Variants in CADM2 observed in about 807,000 individuals in gnomAD.
The protein encoded by CADM2 is cell adhesion molecule 2.
A neutral mutation model predicts 49.8 loss-of-function variants in CADM2; 12 were observed. The observed-to-expected ratio is 0.24, with a 90% CI of 0.15 to 0.39. CADM2 has a LOEUF of 0.39. Among genes scored for constraint, CADM2 ranks in the 10% least tolerant of loss-of-function variants. The probability of loss-of-function intolerance (pLI) is 1.00; values close to 1 mark genes in which losing one functional copy is unlikely to be tolerated. For synonymous variants in CADM2, 214 were observed against 175.4 expected (o/e 1.22, Z -1.74); for missense variants, 378 against 492.3 (o/e 0.77, Z 2.20).
chr3:85,259,095 T>C (rs939089471), intron 1 of CADM2, among the ~76,000 whole-genome samples: 16 of 152,146 alleles, frequency 1.1e-4, no homozygotes, highest in Non-Finnish European at 1.9e-4. Context: ...AAGTAGGCTT[T>C]ACAAAGGGAA....
At chr3:85,390,726 C>T (rs914101115) in intron 1 of CADM2, among the ~76,000 whole-genome samples, 2 of 152,046 alleles carry the variant, frequency 1.3e-5, no homozygotes, top group African/African-American at 4.8e-5. Context: ...CATAAATAAT[C>T]TCTGCTCTAC....
chr3:85,873,556 C>G (rs1471007124), intron 3 of CADM2, among the ~76,000 whole-genome samples: 1 of 152,084 alleles, frequency 6.6e-6, no homozygotes, highest in Non-Finnish European at 1.5e-5. Flanking sequence ...ATCCCAGCTA[C>G]TGGGGAGGCT....
At chr3:85,485,091 T>C (rs1471020287) in intron 1 of CADM2, among the ~76,000 whole-genome samples, 1 of 151,894 alleles carries the variant, frequency 6.6e-6, no homozygotes, top group African/African-American at 2.4e-5. Context: ...AAAATAATAA[T>C]TCATGTTTTT....
At chr3:85,629,682 A>C (rs1428584864) in intron 1 of CADM2, among the ~76,000 whole-genome samples, 1 of 151,962 alleles carries the variant, frequency 6.6e-6, no homozygotes, top group Non-Finnish European at 1.5e-5. Flanking sequence ...CACAAGGAGA[A>C]TAAAGCAACT....
chr3:85,801,788 A>C (rs1346806253), intron 2 of CADM2, among the ~76,000 whole-genome samples: 1 of 152,202 alleles, frequency 6.6e-6, no homozygotes, highest in African/African-American at 2.4e-5. Flanking sequence ...CTATTTGAAT[A>C]TAAATCTTTA....
chr3:85,968,920 C>T (rs1297257794), intron 8 of CADM2, among the ~76,000 whole-genome samples: 1 of 151,646 alleles, frequency 6.6e-6, no homozygotes, highest in Non-Finnish European at 1.5e-5. Context: ...ATAGTTTTCA[C>T]ACATATTGTT....
At position 85,613,127 on chromosome 3, in the gene CADM2, T is replaced by G. The variant is rs2063718750; in HGVS notation, c.62-113395T>G. Among the ~76,000 whole-genome samples, 4 of 151,752 alleles carry G rather than the reference T, an allele frequency of 2.6e-5. No individual in the cohort carries two copies. The South Asian group carries it at 8.3e-4, about 31-fold the overall frequency. On this transcript the variant is annotated intron_variant, in intron 1 of 9. Coordinates refer to ENST00000383699, the MANE Select transcript of CADM2 (RefSeq NM_001167675.2). ...TACATGGATTCATGATGTGAAAAGC[T>G]CTTTTCTAATGTATGCAGACACATT...
intron 1 of CADM2, among the ~76,000 whole-genome samples, chr3:85,514,692 C>A (rs532568546): frequency 6.6e-6 from 1 of 152,130 alleles, no homozygotes; most frequent in Non-Finnish European, 1.5e-5. Flanking sequence ...CACAGTCTCT[C>A]ATGAGTTGCT....
At chr3:85,024,610 G>C (rs960929884) in intron 1 of CADM2, among the ~76,000 whole-genome samples, 2 of 150,978 alleles carry the variant, frequency 1.3e-5, no homozygotes, top group Non-Finnish European at 3.0e-5. Context: ...TTATTTATGA[G>C]ATGTTACTAT....
At chr3:85,680,263 T>A (rs1051177979) in intron 1 of CADM2, among the ~76,000 whole-genome samples, 19 of 152,108 alleles carry the variant, frequency 1.2e-4, no homozygotes, top group African/African-American at 2.4e-5. Context: ...ATATATATAT[T>A]TGTATCATTT....
intron 6 of CADM2, among the ~76,000 whole-genome samples, chr3:85,930,908 A>C (rs1720505867): frequency 6.7e-6 from 1 of 149,378 alleles, no homozygotes; most frequent in South Asian, 2.1e-4. Context: ...TAATTAATAT[A>C]TTAATAATTA....
intron 1 of CADM2, among the ~76,000 whole-genome samples, chr3:85,621,217 T>G (rs1339087928): frequency 1.3e-5 from 2 of 152,152 alleles, no homozygotes; most frequent in Non-Finnish European, 2.9e-5. Flanking sequence ...AAACTATGTC[T>G]TAACATTAGG....
intron 5 of CADM2, among the ~76,000 whole-genome samples, chr3:85,897,612 T>A (rs1043210007): frequency 6.6e-6 from 1 of 152,092 alleles, no homozygotes; most frequent in African/African-American, 2.4e-5. Context: ...TAACTCGATT[T>A]TTTTATTTCT....
At chr3:85,050,716 C>T (rs1406636826) in intron 1 of CADM2, among the ~76,000 whole-genome samples, 5 of 152,040 alleles carry the variant, frequency 3.3e-5, no homozygotes, top group African/African-American at 7.2e-5. Context: ...TTGCCACAAG[C>T]GATATCTGCA....
intron 7 of CADM2, among the ~76,000 whole-genome samples, chr3:85,955,525 A>T (rs1247999819): frequency 2.0e-5 from 3 of 151,536 alleles, no homozygotes; most frequent in Non-Finnish European, 3.0e-5. Context: ...GAAAGTTTCC[A>T]TTCTCAGTAC....
intron 1 of CADM2, among the ~76,000 whole-genome samples, chr3:85,255,607 A>G: frequency 6.6e-6 from 1 of 151,696 alleles, no homozygotes; most frequent in East Asian, 1.9e-4. Context: ...AGTGAAAAAA[A>G]TATGTGTAAA....
At chr3:85,833,680 G>A (rs537537906) in intron 3 of CADM2, among the ~76,000 whole-genome samples, 135 of 151,670 alleles carry the variant, frequency 8.9e-4, no homozygotes, top group Non-Finnish European at 2.4e-4. Flanking sequence ...TCAACGACTA[G>A]TTGATGATGT....
intron 7 of CADM2, among the ~76,000 whole-genome samples, chr3:85,949,806 T>C (rs1723225161): frequency 6.6e-6 from 1 of 151,064 alleles, no homozygotes; most frequent in Admixed American, 6.7e-5. Flanking sequence ...TACTAGATCT[T>C]ATAAGGTTAA....
chr3:85,653,240 T>C (rs1577022304), intron 1 of CADM2, among the ~76,000 whole-genome samples: 2 of 150,412 alleles, frequency 1.3e-5, no homozygotes, highest in East Asian at 3.9e-4. Context: ...TGGCTTTTAC[T>C]GTGAGCAAGG....
Sources: gnomAD v4.1 joint callset for allele counts (sites outside exome capture counted in the v4.1 genomes callset) on GRCh38, gnomAD v4.1.1 for gene constraint, MANE v1.5 for transcripts, NCBI Gene and HGNC (gene_info 2026-07-23, HGNC 2026-07-21) for gene names.